The following TNRC18 variants were observed in gnomAD, a reference collection of about 807,000 sequenced individuals.
The protein encoded by TNRC18 is trinucleotide repeat containing 18.
Under a neutral mutation model 226.7 loss-of-function variants are expected in TNRC18, and 69 were observed. The observed-to-expected ratio is 0.30, with a 90% CI of 0.25 to 0.37. TNRC18 has a LOEUF of 0.37. Ranked by LOEUF, TNRC18 falls within the 10% of genes least tolerant of loss-of-function variation. The pLI is 1.00. For missense variants in TNRC18, 4,754 were observed against 4,256.6 expected (o/e 1.12, Z -3.25); for synonymous variants, 2,449 against 1,927.6 (o/e 1.27, Z -7.09).
At chr7:5,369,295 G>A (rs1271065646) in intron 11 of TNRC18, among the ~76,000 whole-genome samples, 1 of 152,166 alleles carries the variant, frequency 6.6e-6, no homozygotes, top group East Asian at 1.9e-4. Flanking sequence ...GCTGCAGTGA[G>A]CCGAGATGAC....
rs533502933 is a variant in TNRC18, at chr7:5,420,680, G to C, written c.187+380C>G. The C allele has an allele frequency of 1.4e-5, 7 of 494,044 alleles. No homozygotes were observed. In the East Asian group the frequency reaches 3.4e-4, roughly 24 times the overall value. The allele number at this position is 494,044 out of a possible 1,614,324, so 30.6% of individuals were successfully genotyped here. On this transcript the variant is annotated intron_variant, in intron 2 of 29. Coordinates refer to ENST00000430969, the MANE Select transcript of TNRC18 (RefSeq NM_001080495.3). ...GTAGCGTTTGCCAAGAAAAAGATTCGAGCTCGGGGAGCGGGTGTCTCGCGG... is the reference window on the plus strand; with the variant it reads ...GTAGCGTTTGCCAAGAAAAAGATTCCAGCTCGGGGAGCGGGTGTCTCGCGG...
At chr7:5,330,107 T>G (rs1441382547) in intron 19 of TNRC18, 1 of 403,172 alleles carries the variant, frequency 2.5e-6, no homozygotes, top group African/African-American at 2.1e-5. Context: ...AATTTTTTTA[T>G]TTTTAGTAGA....
In TNRC18 at chr7:5,313,287, A is replaced by T; in HGVS notation, c.7604T>A (p.Phe2535Tyr). 1 of 1,548,436 alleles carries T rather than the reference A, an allele frequency of 6.5e-7. No individual in the cohort carries two copies. Among genetic ancestry groups the T allele is most frequent in the Non-Finnish European group, 8.7e-7 (1 of 1,146,574 alleles). ...GCTCTTGGGGTTCCCAGAGTCCTCG[A>T]ACGTGAGCCCCGGCCCGGGCTCCTG... is the stretch of plus-strand genomic sequence containing the variant. ...LAQEPGPGLT[F>Y]EDSGNPKSPD... The change falls in exon 27 of 30, where the codon TTC becomes TAC. Residue 2535 changes from phenylalanine to tyrosine, a missense_variant. By Grantham distance (22) the Phe-to-Tyr change is conservative. Coordinates refer to ENST00000430969, the MANE Select transcript of TNRC18 (RefSeq NM_001080495.3).
At chr7:5,386,647 G>C (rs1380171366) in intron 5 of TNRC18, among the ~76,000 whole-genome samples, 1 of 152,126 alleles carries the variant, frequency 6.6e-6, no homozygotes, top group South Asian at 2.1e-4. Context: ...CTACTTGGGA[G>C]GCTAAGGTTG....
intron 5 of TNRC18, among the ~76,000 whole-genome samples, chr7:5,378,756 C>T (rs973163676): frequency 2.6e-5 from 4 of 151,976 alleles, no homozygotes; most frequent in Admixed American, 6.6e-5. Flanking sequence ...AGATTCTGAG[C>T]TGGGGATTTG....
chr7:5,376,784 A>G (rs1779008092), intron 8 of TNRC18, 63 bp downstream of exon 8: 13 of 1,568,884 alleles, frequency 8.3e-6, no homozygotes, highest in Non-Finnish European at 1.1e-5. Flanking sequence ...CCTTGGCATC[A>G]GAGACCATCT....
chr7:5,332,994 C>G lies in TNRC18; in HGVS notation c.5775G>C (p.Ser1925=). 3 of 1,573,786 alleles carry G rather than the reference C, an allele frequency of 1.9e-6. No homozygotes were observed. The highest frequency in any genetic ancestry group is 2.6e-6 in the Non-Finnish European group (3 of 1,168,066). ...TCTTGGGCCGCAGCAGCCCCGCAGG[C>G]GACCGCTTGCGCACCTTGACCTCGC... is the stretch of plus-strand genomic sequence containing the variant. ...SESEVKVRKR[S]PAGLLRPKKG... The change falls in exon 19 of 30, where the codon TCG becomes TCC. Residue 1925 remains serine, a synonymous_variant. Coordinates refer to ENST00000430969, the MANE Select transcript of TNRC18 (RefSeq NM_001080495.3).
intron 8 of TNRC18, 46 bp from the exon 9 acceptor site, chr7:5,376,270 A>G (rs1415199044): frequency 2.9e-6 from 4 of 1,392,258 alleles, no homozygotes; most frequent in Admixed American, 5.9e-5. Context: ...CTGATGCTCC[A>G]CCACCATGCC....
At chr7:5,384,517 C>A (rs1439704290) in intron 5 of TNRC18, among the ~76,000 whole-genome samples, 5 of 142,240 alleles carry the variant, frequency 3.5e-5, no homozygotes, top group Non-Finnish European at 7.7e-5. Context: ...CCCTCACATT[C>A]GCATGTCCCC....
chr7:5,335,835 G>GAAAA (rs61412615), intron 18 of TNRC18, among the ~76,000 whole-genome samples: 31 of 126,826 alleles, frequency 2.4e-4, no homozygotes, highest in African/African-American at 8.9e-4. Flanking sequence ...ATATTCACTG[G>GAAAA]AAAAAAAAAA....
chr7:5,380,250 A>C (rs553283316), intron 5 of TNRC18, among the ~76,000 whole-genome samples: 4 of 152,252 alleles, frequency 2.6e-5, no homozygotes, highest in Admixed American at 1.3e-4. Flanking sequence ...GTTTGAGACC[A>C]ATCTGGGCAA....
At chr7:5,314,738 A>G (rs1272150907) in intron 26 of TNRC18, among the ~76,000 whole-genome samples, 2 of 151,744 alleles carry the variant, frequency 1.3e-5, no homozygotes, top group Non-Finnish European at 1.5e-5. Context: ...ATGCCCAGCT[A>G]ATTTTTGTAT....
chr7:5,420,058 G>A (rs183280615), intron 2 of TNRC18: 115 of 209,326 alleles, frequency 5.5e-4, no homozygotes, highest in African/African-American at 2.5e-3. Context: ...GAGGGACCAG[G>A]TGTCCTGGGG....
chr7:5,421,158 A>G lies in TNRC18; in HGVS notation c.89T>C (p.Val30Ala). ...CAAGCGTCCGGCAGTGGCCGCGCCC[A>G]CGCGGTGGCTGTCCATGGCCAGGCC... Reference protein sequence around the residue: ...LSGLAMDSHRVGAATAGRLPA... With the variant: ...LSGLAMDSHRAGAATAGRLPA... Residue 30 changes from valine (V) to alanine (A), a missense_variant, in exon 2 of 30, where the codon GTG (valine) becomes GCG (alanine). Transcript: ENST00000430969. 1.4e-6 allele frequency: 2 copies of G among 1,424,508 alleles called. No individual in the cohort carries two copies. The highest frequency in any genetic ancestry group is 9.2e-7 in the Non-Finnish European group (1 of 1,085,876). The allele number at this position is 1,424,508 out of a possible 1,614,324, so 88.2% of individuals were successfully genotyped here. A position where few individuals can be genotyped will look rare whatever the true frequency, so the allele number is the denominator to read the frequency against.
chr7:5,321,380 G>C (rs529163163), intron 21 of TNRC18, among the ~76,000 whole-genome samples, 190 bp from the exon 22 acceptor site: 3 of 152,262 alleles, frequency 2.0e-5, no homozygotes, highest in Admixed American at 2.0e-4. Context: ...GTACCAGTGA[G>C]CATGTACAGG....
intron 21 of TNRC18, among the ~76,000 whole-genome samples, chr7:5,323,310 C>T (rs1788564522): frequency 6.6e-6 from 1 of 151,968 alleles, no homozygotes; most frequent in Non-Finnish European, 1.5e-5. Flanking sequence ...CTCTCCCTGA[C>T]CCGGGTCTCA....
In TNRC18 at chr7:5,309,316, C is replaced by T. The variant is rs1227492053; in HGVS notation, c.8441G>A (p.Arg2814His). The T allele has an allele frequency of 1.9e-6, 3 of 1,613,772 alleles. No individual in the cohort carries two copies. The highest frequency in any genetic ancestry group is 2.5e-6 in the Non-Finnish European group (3 of 1,179,816). Residue 2814 changes from arginine (R) to histidine (H), a missense_variant, in exon 28 of 30, where the codon CGC (arginine) becomes CAC (histidine). Physicochemically the swap from Arg to His is conservative, Grantham distance 29. Transcript: ENST00000430969. The surrounding 1 kb of genome is among the most constrained non-coding windows in gnomAD (Gnocchi z 5.7). ...CCCGATACGGATCATCTCCTTGCCG[C>T]GCACGATGGCCTTGTAGAAGAGCTT... ...ARKLFYKAIV[R>H]GKEMIRIGDC... is the part of the protein sequence containing the mutation.
chr7:5,345,517 G>GGGGGGGGGCCCCCCCCCCCCCC, intron 18 of TNRC18, 45 bp downstream of exon 18: 15 of 377,722 alleles, frequency 4.0e-5, no homozygotes, highest in Non-Finnish European at 5.8e-5. Context: ...AATGGCGTCC[G>GGGGGGGGGCCCCCCCCCCCCCC]CCCCTCCCAC....
Position 5,374,148 on chromosome 7 carries a change from TGATACCCG to T in TNRC18, c.3128_3135del (p.Pro1043HisfsTer68). ...TTCTCGGGAGCCTCCTCCTTGCGGG[TGATACCCG>T]GGGTGGGCGGTGGGGAGGCGGGCGG... On this transcript the variant is annotated frameshift_variant, in exon 10 of 30. Coordinates refer to ENST00000430969, the MANE Select transcript of TNRC18 (RefSeq NM_001080495.3). LOFTEE classifies it high-confidence loss of function. 1 of 1,460,346 alleles carries T rather than the reference TGATACCCG, an allele frequency of 6.8e-7. No individual in the cohort carries two copies. Among genetic ancestry groups the T allele is most frequent in the Non-Finnish European group, 9.0e-7 (1 of 1,108,372 alleles). 90.5% of individuals were successfully genotyped at this position (1,460,346 alleles called of 1,614,324 possible).
Sources: allele counts gnomAD v4.1 joint callset (sites outside exome capture counted in the v4.1 genomes callset), GRCh38; gene constraint gnomAD v4.1.1; non-coding constraint Gnocchi (gnomAD v3.1); transcripts MANE v1.5; gene names NCBI Gene and HGNC (gene_info 2026-07-23, HGNC 2026-07-21).